The following KIAA1217 variants were observed in gnomAD, a reference collection of about 807,000 sequenced individuals.
KIAA1217 encodes the protein KIAA1217, also known as sickle tail protein homolog.
In KIAA1217, 88 loss-of-function variants were observed where a neutral mutation model predicts 163.9. That is an observed-to-expected ratio of 0.54 (90% CI 0.45 to 0.64). KIAA1217 has a LOEUF of 0.64. KIAA1217 is among the 30% of genes least tolerant of loss of function. KIAA1217 has a pLI of 0.00. For missense variants in KIAA1217, 2,372 were observed against 2,475.0 expected (o/e 0.96, Z 0.88); for synonymous variants, 903 against 923.1 (o/e 0.98, Z 0.39).
rs114391205 is a variant in KIAA1217, at chr10:24,228,910, A to G, written c.354+9001A>G. 6.5e-3 allele frequency among the ~76,000 whole-genome samples: 996 copies of G among 152,362 alleles called. 8 individuals carry two copies. Among genetic ancestry groups the G allele is most frequent in the African/African-American group, 0.022 (898 of 41,596 alleles). ...GATATTCCTATCTGTAAGTAATGGC[A>G]TCTATGTCTTTGTGACTTATTTTTG... On this transcript the variant is annotated intron_variant, in intron 2 of 20. Coordinates refer to ENST00000376454, the MANE Select transcript of KIAA1217 (RefSeq NM_019590.5).
At chr10:24,313,259 G>A (rs2042937014) in intron 2 of KIAA1217, among the ~76,000 whole-genome samples, 1 of 152,162 alleles carries the variant, frequency 6.6e-6, no homozygotes, top group African/African-American at 2.4e-5. Flanking sequence ...GTGTCTCTTT[G>A]AGGACAATGA....
At chr10:24,410,153 C>T (rs964972691) in intron 3 of KIAA1217, among the ~76,000 whole-genome samples, 4 of 151,836 alleles carry the variant, frequency 2.6e-5, no homozygotes, top group East Asian at 1.9e-4. Flanking sequence ...CCCGCCACCA[C>T]GCCCAGCTAA....
At chr10:24,328,121 A>G (rs1370567466) in intron 2 of KIAA1217, among the ~76,000 whole-genome samples, 2 of 152,166 alleles carry the variant, frequency 1.3e-5, no homozygotes, top group African/African-American at 2.4e-5. Context: ...CAGGAAGCCA[A>G]TCACTGAGAC....
chr10:24,101,413 T>C (rs1473892150), intron 2 of KIAA1217, among the ~76,000 whole-genome samples: 1 of 152,230 alleles, frequency 6.6e-6, no homozygotes, highest in Non-Finnish European at 1.5e-5. Context: ...AGTATTTGGA[T>C]TCCCTTTCTA....
chr10:24,119,860 A>G (rs1253935039), intron 2 of KIAA1217, among the ~76,000 whole-genome samples: 1 of 152,186 alleles, frequency 6.6e-6, no homozygotes, highest in African/African-American at 2.4e-5. Context: ...CATTAAAATG[A>G]TCTGTGCTTC....
intron 1 of KIAA1217, among the ~76,000 whole-genome samples, chr10:23,868,224 A>C (rs566902937): frequency 1.3e-5 from 2 of 152,162 alleles, no homozygotes; most frequent in South Asian, 4.2e-4. Context: ...CAACCCACAA[A>C]ATAACTCCTG....
chr10:23,719,572 C>T (rs1239239869), intron 1 of KIAA1217, among the ~76,000 whole-genome samples: 2 of 142,064 alleles, frequency 1.4e-5, no homozygotes, highest in Middle Eastern at 8.4e-3. Flanking sequence ...CAAAGCGAGA[C>T]CCCCTTCTCA....
intron 2 of KIAA1217, among the ~76,000 whole-genome samples, chr10:24,047,117 C>T (rs1849089153): frequency 6.6e-6 from 1 of 152,156 alleles, no homozygotes; most frequent in Non-Finnish European, 1.5e-5. Context: ...ACTGTAAATG[C>T]TCTTCTAATA....
chr10:23,733,127 C>G (rs1838569230), intron 1 of KIAA1217, among the ~76,000 whole-genome samples: 1 of 151,950 alleles, frequency 6.6e-6, no homozygotes, highest in Non-Finnish European at 1.5e-5. Flanking sequence ...AATTCTCATG[C>G]CTCAGCTTCC....
intron 2 of KIAA1217, among the ~76,000 whole-genome samples, chr10:24,145,831 C>T (rs1239207665): frequency 1.3e-5 from 2 of 152,216 alleles, no homozygotes; most frequent in East Asian, 1.9e-4. Flanking sequence ...AGATGAAGGC[C>T]AGAAGACTCA....
At chr10:23,720,564 A>G (rs1837823935) in intron 1 of KIAA1217, among the ~76,000 whole-genome samples, 1 of 152,160 alleles carries the variant, frequency 6.6e-6, no homozygotes, top group African/African-American at 2.4e-5. Flanking sequence ...GCGGGATATG[A>G]AGGGGACTGG....
rs58143239 is a variant in KIAA1217, at chr10:24,125,322, C to CTGTGTGTGTGTGTG, written c.-170-94275_-170-94262dup. ...GATTTGTCTGAAAGAATCCTATGCTCTGTGTGTGTGTGTGTGTGTGTGTGT... is the reference window on the plus strand; with the variant it reads ...GATTTGTCTGAAAGAATCCTATGCTCTGTGTGTGTGTGTGTGTGTGTGTGTGTGTGTGTGTGTGT... On this transcript the variant is annotated intron_variant, in intron 2 of 18. Transcript: ENST00000376462. 9.7e-3 allele frequency among the ~76,000 whole-genome samples: 1,392 copies of CTGTGTGTGTGTGTG among 143,786 alleles called. 11 individuals are homozygous for CTGTGTGTGTGTGTG. Among genetic ancestry groups the CTGTGTGTGTGTGTG allele is most frequent in the Non-Finnish European group, 0.014 (939 of 65,940 alleles). 94.3% of individuals were successfully genotyped at this position (143,786 alleles called of 152,430 possible).
chr10:24,251,400 C>CAAA (rs55668887), intron 2 of KIAA1217, among the ~76,000 whole-genome samples: 117 of 90,444 alleles, frequency 1.3e-3, no homozygotes, highest in Middle Eastern at 8.5e-3. Flanking sequence ...GACACTGTCT[C>CAAA]AAAAAAAAAA....
intron 2 of KIAA1217, among the ~76,000 whole-genome samples, chr10:24,202,802 G>A (rs536372384): frequency 6.6e-6 from 1 of 152,298 alleles, no homozygotes; most frequent in South Asian, 2.1e-4. Context: ...AATATCTATG[G>A]CCGAACTGCA....
intron 3 of KIAA1217, among the ~76,000 whole-genome samples, chr10:24,388,582 T>C (rs1446306740): frequency 6.6e-6 from 1 of 151,966 alleles, no homozygotes; most frequent in Non-Finnish European, 1.5e-5. Flanking sequence ...ACTAAAGAGC[T>C]TCTGTACAGC....
intron 1 of KIAA1217, among the ~76,000 whole-genome samples, chr10:23,851,115 G>T (rs189420131): frequency 2.6e-5 from 4 of 151,840 alleles, no homozygotes; most frequent in South Asian, 2.1e-4. Context: ...TGCGACCATT[G>T]ACTCGTCATT....
At chr10:24,498,265 A>G (rs146907067) in intron 8 of KIAA1217, among the ~76,000 whole-genome samples, 60 of 152,280 alleles carry the variant, frequency 3.9e-4, no homozygotes, top group Admixed American at 1.1e-3. Context: ...AGGAGTTAGA[A>G]AAGAGATTGA....
chr10:24,231,271 G>A (rs751226722), intron 2 of KIAA1217, among the ~76,000 whole-genome samples: 24 of 152,200 alleles, frequency 1.6e-4, no homozygotes, highest in Non-Finnish European at 3.1e-4. Flanking sequence ...AGCAGTGATC[G>A]TACCACTGCA....
At chr10:23,870,178 G>A (rs867465319) in intron 1 of KIAA1217, among the ~76,000 whole-genome samples, 3 of 152,076 alleles carry the variant, frequency 2.0e-5, no homozygotes, top group African/African-American at 4.8e-5. Flanking sequence ...CTTCTGATTA[G>A]TTACTCTCTA....
Sources: gnomAD v4.1 joint callset for allele counts (sites outside exome capture counted in the v4.1 genomes callset) on GRCh38, gnomAD v4.1.1 for gene constraint, MANE v1.5 for transcripts, NCBI Gene and HGNC (gene_info 2026-07-23, HGNC 2026-07-21) for gene names.